Variants in RNF43 observed in about 807,000 individuals in gnomAD.
RNF43 encodes E3 ubiquitin-protein ligase RNF43.
A neutral mutation model predicts 78.4 loss-of-function variants in RNF43; 37 were observed. The observed-to-expected ratio is 0.47, with a 90% CI of 0.36 to 0.62. RNF43 has a LOEUF of 0.62. RNF43 is among the 20% of genes least tolerant of loss of function. RNF43 has a pLI of 0.00. For synonymous variants in RNF43, 347 were observed against 395.0 expected (o/e 0.88, Z 1.44); for missense variants, 774 against 1,007.9 (o/e 0.77, Z 3.14).
intron 3 of RNF43, among the ~76,000 whole-genome samples, chr17:58,367,538 A>G (rs961373531): frequency 1.3e-5 from 2 of 152,168 alleles, no homozygotes; most frequent in Non-Finnish European, 2.9e-5. Flanking sequence ...CTCCATGGTA[A>G]GAGAGGCAGG....
chr17:58,376,468 T>C (rs1973207754), intron 2 of RNF43, among the ~76,000 whole-genome samples: 1 of 152,196 alleles, frequency 6.6e-6, no homozygotes, highest in African/African-American at 2.4e-5. Flanking sequence ...GCTTGACTCT[T>C]TTACAATGAG....
At chr17:58,380,297 A>T (rs537473156) in intron 2 of RNF43, among the ~76,000 whole-genome samples, 1 of 152,314 alleles carries the variant, frequency 6.6e-6, no homozygotes, top group East Asian at 1.9e-4. Flanking sequence ...CGAGGTCTTG[A>T]CACAGATGGC....
Position 58,415,662 on chromosome 17 carries a change from T to A in RNF43, c.-85A>T, listed in dbSNP as rs1974108770. ...ATGCAGGTTCTCAGATCCAGACAAATGGAGGAAAAGAACATTTATGCTTCC... is the reference window on the plus strand; with the variant it reads ...ATGCAGGTTCTCAGATCCAGACAAAAGGAGGAAAAGAACATTTATGCTTCC... On this transcript the variant is annotated 5_prime_UTR_variant, in exon 2 of 10. Transcript: ENST00000407977. 1 of 1,478,124 alleles carries A rather than the reference T, an allele frequency of 6.8e-7. No individual in the cohort carries two copies. Among genetic ancestry groups the A allele is most frequent in the Non-Finnish European group, 9.2e-7 (1 of 1,089,568 alleles). The allele number at this position is 1,478,124 out of a possible 1,614,324, so 91.6% of individuals were successfully genotyped here.
At chr17:58,372,847 C>A (rs1393262143) in intron 2 of RNF43, among the ~76,000 whole-genome samples, 1 of 152,168 alleles carries the variant, frequency 6.6e-6, no homozygotes, top group Non-Finnish European at 1.5e-5. Context: ...GAGCCACATT[C>A]CTGGCAGAGG....
Position 58,358,733 on chromosome 17 carries a change from T to C in RNF43, c.1043A>G (p.His348Arg). 6.4e-7 allele frequency: 1 copy of C among 1,559,516 alleles called. No individual in the cohort carries two copies. Among genetic ancestry groups the C allele is most frequent in the Non-Finnish European group, 8.7e-7 (1 of 1,150,292 alleles). Residue 348 changes from histidine (H) to arginine (R), a missense_variant, in exon 9 of 10, where the codon CAT becomes CGT. By Grantham distance (29) the His-to-Arg change is conservative. Transcript: ENST00000407977. The surrounding 1 kb of genome is among the most constrained non-coding windows in gnomAD (Gnocchi z 6.2). Reference protein sequence around the residue: ...RLHLIRQHPGHAHYHLPAAYL... With the variant: ...RLHLIRQHPGRAHYHLPAAYL... ...GGCAGCAGGGAGGTGGTAGTGGGCA[T>C]GGCCGGGATGCTGGCGAATGAGGTG...
intron 2 of RNF43, among the ~76,000 whole-genome samples, chr17:58,388,635 T>C (rs1374564398): frequency 1.3e-5 from 2 of 152,158 alleles, no homozygotes; most frequent in African/African-American, 4.8e-5. Flanking sequence ...AAGTAAATGG[T>C]GGTACAAAAC....
chr17:58,362,672 A>G (rs369994450), intron 5 of RNF43, 24 bp from the exon 6 acceptor site: 85 of 1,570,920 alleles, frequency 5.4e-5, no homozygotes, highest in Non-Finnish European at 6.8e-5. Flanking sequence ...AGAGAGGGAA[A>G]GGGTCATACT....
rs2143496001 is a variant in RNF43, at chr17:58,367,826, A to C, written c.375+3085T>G. On this transcript the variant is annotated intron_variant, in intron 3 of 9. Transcript: ENST00000407977. ...GAAGGAAAAATACCGCAACCTTGTT[A>C]ACTACAAAAGCACGGAATGATGATG... Among the ~76,000 whole-genome samples, 2 of 152,364 alleles carry C rather than the reference A, an allele frequency of 1.3e-5. 1 individual carries two copies. The highest frequency in any genetic ancestry group is 4.1e-4 in the South Asian group (2 of 4,830).
intron 2 of RNF43, among the ~76,000 whole-genome samples, chr17:58,409,026 A>G (rs773792505): frequency 6.6e-6 from 1 of 152,200 alleles, no homozygotes; most frequent in Non-Finnish European, 1.5e-5. Context: ...GGAAAGGAGA[A>G]TATGAGTCCT....
At chr17:58,392,833 G>A (rs1265056986) in intron 2 of RNF43, among the ~76,000 whole-genome samples, 1 of 152,228 alleles carries the variant, frequency 6.6e-6, no homozygotes, top group Non-Finnish European at 1.5e-5. Flanking sequence ...GCTGGTTAAT[G>A]TTGCTATTAT....
rs187990717 is a variant in RNF43, at chr17:58,382,715, T to C, written c.253-11682A>G. On this transcript the variant is annotated intron_variant, in intron 2 of 9. Coordinates refer to ENST00000407977, the MANE Select transcript of RNF43 (RefSeq NM_017763.6). ...CAGCCTTCTGCCCCAAAGGAACGAG[T>C]CCCGGTCTCAGGAGAGTAACACCTG... Among the ~76,000 whole-genome samples, 36 of 152,238 alleles carry C rather than the reference T, an allele frequency of 2.4e-4. No individual in the cohort carries two copies. In the East Asian group the frequency reaches 6.2e-3, roughly 26 times the overall value.
chr17:58,363,286 G>T lies in RNF43; in HGVS notation c.571C>A (p.Pro191Thr), dbSNP rs762889537. Residue 191 changes from proline (P) to threonine (T), a missense_variant, in exon 5 of 10, where the codon CCC (proline) becomes ACC (threonine). Transcript: ENST00000407977. ...KAHVRIELKE[P>T]PAWPDYDVWI... is the part of the protein sequence containing the mutation. ...TCTAGTGTGCTTACCCAGGCCGGGG[G>T]CTCCTTCAGCTCAATCCTCACATGG... The T allele has an allele frequency of 1.2e-6, 2 of 1,613,762 alleles. No individual in the cohort carries two copies. The highest frequency in any genetic ancestry group is 2.7e-5 in the African/African-American group (2 of 75,018).
rs2143398303 is a variant in RNF43, at chr17:58,357,938, G to A, written c.1838C>T (p.Pro613Leu). ...CTCAGGGAGGGCCCTGGGGCACTGT[G>A]GGTTAGAGAGCCGCCCCGAAGGGGC... ...SAAPSGRLSN[P>L]QCPRALPEPA... The change falls in exon 9 of 10, where the codon CCA (proline) becomes CTA (leucine). Residue 613 changes from proline to leucine, a missense_variant. Coordinates refer to ENST00000407977, the MANE Select transcript of RNF43 (RefSeq NM_017763.6). The surrounding 1 kb of genome is among the most constrained non-coding windows in gnomAD (Gnocchi z 4.5). 6.2e-7 allele frequency: 1 copy of A among 1,612,802 alleles called. No homozygotes were observed. Among genetic ancestry groups the A allele is most frequent in the Non-Finnish European group, 8.5e-7 (1 of 1,179,510 alleles).
In RNF43 at chr17:58,358,047, G is replaced by T; in HGVS notation, c.1729C>A (p.Gln577Lys). Residue 577 changes from glutamine to lysine, a missense_variant, in exon 9 of 10, where the codon CAG (glutamine) becomes AAG (lysine). Gln to Lys is a moderately conservative substitution (Grantham distance 53). Transcript: ENST00000407977. This position sits in a 1 kb window ranked among gnomAD's most constrained non-coding sequence, Gnocchi z 6.2. Reference sequence around the variant, plus strand: ...GTCCGAGGAATAGGAGGCCTGGACTGGGGGACTCCGGTTTCTGGGCCAGGC... The same window carrying T: ...GTCCGAGGAATAGGAGGCCTGGACTTGGGGACTCCGGTTTCTGGGCCAGGC... ...RKPGPETGVP[Q>K]SRPPIPRTQP... 1 of 1,590,538 alleles carries T rather than the reference G, an allele frequency of 6.3e-7. No individual in the cohort carries two copies. The highest frequency in any genetic ancestry group is 8.6e-7 in the Non-Finnish European group (1 of 1,168,796).
chr17:58,399,645 T>A (rs2143637246), intron 2 of RNF43, among the ~76,000 whole-genome samples: 1 of 146,412 alleles, frequency 6.8e-6, no homozygotes, highest in South Asian at 2.1e-4. Flanking sequence ...TAGCAGCAAT[T>A]TTTTTTTTTT....
In RNF43 at chr17:58,360,597, C is replaced by T. The variant is rs573958719; in HGVS notation, c.849+186G>A. Among the ~76,000 whole-genome samples, 4 of 152,338 alleles carry T rather than the reference C, an allele frequency of 2.6e-5. No homozygotes were observed. In the East Asian group the frequency reaches 7.7e-4, roughly 29 times the overall value. On this transcript the variant is annotated intron_variant, in intron 7 of 9. Transcript: ENST00000407977. This position sits in a 1 kb window ranked among gnomAD's most constrained non-coding sequence, Gnocchi z 4.3. ...GGTACACTCTCAACAAACAATAGTG[C>T]TCTTTCACTGGAAGGTCAGAAAAGT...
At position 58,354,281 on chromosome 17, in the gene RNF43, C is replaced by T. The variant is rs902345394; in HGVS notation, c.*662G>A. ...TTTTTCCCTCCCCACTATTCTTATT[C>T]TCAACCCCCAGAGGAACCAAGGCTG... is the stretch of plus-strand genomic sequence containing the variant. On this transcript the variant is annotated 3_prime_UTR_variant, in exon 10 of 10. Coordinates refer to ENST00000407977, the MANE Select transcript of RNF43 (RefSeq NM_017763.6). 5.0e-6 allele frequency: 1 copy of T among 201,540 alleles called. No homozygotes were observed. Among genetic ancestry groups the T allele is most frequent in the Non-Finnish European group, 1.0e-5 (1 of 97,998 alleles). 12.5% of individuals were successfully genotyped at this position (201,540 alleles called of 1,614,324 possible). A position where few individuals can be genotyped will look rare whatever the true frequency, so the allele number is the denominator to read the frequency against.
chr17:58,372,708 CAA>C (rs1973125443), intron 2 of RNF43, among the ~76,000 whole-genome samples: 1 of 152,064 alleles, frequency 6.6e-6, no homozygotes, highest in Non-Finnish European at 1.5e-5. Context: ...TGGGAGGGCA[CAA>C]AGAGGGGCAG....
chr17:58,409,121 T>C (rs1973973291), intron 2 of RNF43, among the ~76,000 whole-genome samples: 1 of 152,212 alleles, frequency 6.6e-6, no homozygotes, highest in Admixed American at 6.5e-5. Context: ...CCTTAAAAAT[T>C]GATTACTCTC....
Sources: allele counts gnomAD v4.1 joint callset (sites outside exome capture counted in the v4.1 genomes callset), GRCh38; gene constraint gnomAD v4.1.1; non-coding constraint Gnocchi (gnomAD v3.1); transcripts MANE v1.5; gene names NCBI Gene and HGNC (gene_info 2026-07-23, HGNC 2026-07-21).